The following CPNE4 variants were observed in gnomAD, a reference collection of about 807,000 sequenced individuals.
CPNE4 encodes the protein copine-4.
CPNE4 carries 25 observed loss-of-function variants against 67.9 expected under a neutral mutation model. The observed-to-expected ratio is 0.37, with a 90% CI of 0.27 to 0.51. The LOEUF (loss-of-function observed/expected upper bound fraction) is 0.51. Among genes scored for constraint, CPNE4 ranks in the 20% least tolerant of loss-of-function variants. The pLI is 0.93. For missense variants in CPNE4, 464 were observed against 690.8 expected (o/e 0.67, Z 3.68); for synonymous variants, 242 against 244.9 (o/e 0.99, Z 0.11).
At chr3:131,782,652 A>AGGGCAGAG (rs2083457377) in intron 2 of CPNE4, among the ~76,000 whole-genome samples, 1 of 152,124 alleles carries the variant, frequency 6.6e-6, no homozygotes, top group Admixed American at 6.6e-5. Context: ...TGGCAACAGA[A>AGGGCAGAG]GGGCAGAGAT....
intron 1 of CPNE4, among the ~76,000 whole-genome samples, chr3:132,007,760 C>T (rs1237998381): frequency 6.6e-6 from 1 of 152,140 alleles, no homozygotes; most frequent in Non-Finnish European, 1.5e-5. Flanking sequence ...TCTTGGATTG[C>T]CATGACACCT....
At chr3:131,766,296 A>ACATAGTATCGGGCACGTAG (rs145336735) in intron 2 of CPNE4, among the ~76,000 whole-genome samples, 2 of 152,006 alleles carry the variant, frequency 1.3e-5, no homozygotes, top group Middle Eastern at 3.2e-3. Context: ...AAAGTGTTTT[A>ACATAGTATCGGGCACGTAG]CAAGTACTCA....
chr3:131,743,904 AG>A (rs1251043319), intron 2 of CPNE4, among the ~76,000 whole-genome samples: 4 of 134,320 alleles, frequency 3.0e-5, no homozygotes, highest in African/African-American at 1.1e-4. Flanking sequence ...CGGAGCTTGC[AG>A]TGAGCCGAGA....
intron 3 of CPNE4, among the ~76,000 whole-genome samples, chr3:131,703,269 T>C (rs1255787418): frequency 6.6e-6 from 1 of 152,208 alleles, no homozygotes; most frequent in Non-Finnish European, 1.5e-5. Context: ...AAATAGCAAA[T>C]TGTGCCTGAC....
At chr3:132,036,956 A>G (rs968392903), upstream of CPNE4, among the ~76,000 whole-genome samples, 1 of 152,304 alleles carries the variant, frequency 6.6e-6, no homozygotes, top group South Asian at 2.1e-4. Flanking sequence ...AGAAAGTTTT[A>G]CTATATCTAC....
intron 2 of CPNE4, among the ~76,000 whole-genome samples, chr3:131,734,185 G>C (rs1214871958): frequency 6.6e-6 from 1 of 152,166 alleles, no homozygotes; most frequent in African/African-American, 2.4e-5. Context: ...ACTGGTTAGG[G>C]AGGAGCCCTT....
intron 1 of CPNE4, among the ~76,000 whole-genome samples, chr3:131,920,205 G>T (rs1371561663): frequency 1.3e-5 from 2 of 152,084 alleles, no homozygotes; most frequent in Non-Finnish European, 2.9e-5. Context: ...ACTGTAAATT[G>T]CTCTATTCTC....
chr3:131,906,838 A>G (rs1320816629), intron 1 of CPNE4, among the ~76,000 whole-genome samples: 1 of 151,776 alleles, frequency 6.6e-6, no homozygotes, highest in East Asian at 1.9e-4. Flanking sequence ...ACTGACTTCC[A>G]CAATGGTTGA....
intron 1 of CPNE4, among the ~76,000 whole-genome samples, chr3:131,956,175 T>A (rs544197555): frequency 3.5e-4 from 53 of 152,358 alleles, no homozygotes; most frequent in African/African-American, 9.6e-4. Context: ...TCATTAGAAT[T>A]ATTTTACTGT....
At chr3:131,611,203 T>C (rs1339639191) in intron 7 of CPNE4, among the ~76,000 whole-genome samples, 1 of 152,200 alleles carries the variant, frequency 6.6e-6, no homozygotes, top group East Asian at 1.9e-4. Context: ...TTATACTTAT[T>C]GATATAAATT....
At chr3:131,658,610 G>A (rs2080040962) in intron 7 of CPNE4, among the ~76,000 whole-genome samples, 1 of 152,136 alleles carries the variant, frequency 6.6e-6, no homozygotes, top group Non-Finnish European at 1.5e-5. Context: ...ATCTTTTTGG[G>A]AAGTATAAAC....
intron 2 of CPNE4, among the ~76,000 whole-genome samples, chr3:131,902,154 C>T (rs996134274): frequency 1.3e-5 from 2 of 151,866 alleles, no homozygotes; most frequent in African/African-American, 4.8e-5. Context: ...CTAGAAGTAC[C>T]ACAATATCAA....
chr3:131,818,675 A>G (rs1348624927), intron 2 of CPNE4, among the ~76,000 whole-genome samples: 1 of 152,258 alleles, frequency 6.6e-6, no homozygotes, highest in Non-Finnish European at 1.5e-5. Flanking sequence ...AGAAACAAGA[A>G]GCACAATGTT....
intron 1 of CPNE4, among the ~76,000 whole-genome samples, chr3:132,008,261 A>C (rs1273126101): frequency 6.6e-6 from 1 of 152,208 alleles, no homozygotes; most frequent in Non-Finnish European, 1.5e-5. Context: ...GTAACAACCT[A>C]ACTGTTGAAG....
intron 2 of CPNE4, among the ~76,000 whole-genome samples, chr3:131,817,129 AC>A (rs2084773076): frequency 6.6e-6 from 1 of 152,166 alleles, no homozygotes; most frequent in African/African-American, 2.4e-5. Flanking sequence ...AGGTGCAAAT[AC>A]TTTGGTTCAC....
chr3:131,866,818 C>T (rs2086973505), intron 2 of CPNE4, among the ~76,000 whole-genome samples: 1 of 152,202 alleles, frequency 6.6e-6, no homozygotes, highest in East Asian at 1.9e-4. Flanking sequence ...CTATTTCTCA[C>T]TTAGCACAGC....
intron 2 of CPNE4, among the ~76,000 whole-genome samples, chr3:131,786,669 C>T (rs1384810128): frequency 2.0e-5 from 3 of 152,108 alleles, no homozygotes; most frequent in Non-Finnish European, 4.4e-5. Context: ...TCTTGCCCCA[C>T]CACTTCCAGT....
chr3:131,571,440 G>T (rs1430592077), intron 10 of CPNE4, among the ~76,000 whole-genome samples: 3 of 152,032 alleles, frequency 2.0e-5, no homozygotes, highest in Non-Finnish European at 4.4e-5. Flanking sequence ...ATACCTGAAA[G>T]TACCTCTGAC....
rs1936084219 is a variant in CPNE4 at position 131,550,009 on chromosome 3, C to T, written c.1240G>A (p.Ala414Thr). 6.2e-7 allele frequency: 1 copy of T among 1,613,178 alleles called. No homozygotes were observed. The highest frequency in any genetic ancestry group is 8.5e-7 in the Non-Finnish European group (1 of 1,179,472). ...TTGGCAACCTTCTGGATGATGGGGGCAATGTTGGTGGGACCGTAGAGTTGG... is the reference window on the plus strand; with the variant it reads ...TTGGCAACCTTCTGGATGATGGGGGTAATGTTGGTGGGACCGTAGAGTTGG... Reference protein sequence around the residue: ...KLQLYGPTNIAPIIQKVAKSA... With the variant: ...KLQLYGPTNITPIIQKVAKSA... The change falls in exon 14 of 16, where the codon GCC becomes ACC. Residue 414 changes from alanine to threonine, a missense_variant. By Grantham distance (58) the Ala-to-Thr change is moderately conservative. Coordinates refer to ENST00000429747, the MANE Select transcript of CPNE4 (RefSeq NM_130808.3).
Sources: gnomAD v4.1 joint callset for allele counts (sites outside exome capture counted in the v4.1 genomes callset) on GRCh38, gnomAD v4.1.1 for gene constraint, MANE v1.5 for transcripts, NCBI Gene and HGNC (gene_info 2026-07-23, HGNC 2026-07-21) for gene names.